The following OSBPL3 variants were observed in gnomAD, a reference collection of about 807,000 sequenced individuals.
OSBPL3 encodes the protein oxysterol-binding protein-related protein 3.
OSBPL3 carries 65 observed loss-of-function variants against 120.1 expected under a neutral mutation model. The observed-to-expected ratio is 0.54, with a 90% CI of 0.44 to 0.67. The LOEUF is 0.67. Ranked by LOEUF, OSBPL3 falls within the 30% of genes least tolerant of loss-of-function variation. The pLI is 0.00. For synonymous variants in OSBPL3, 416 were observed against 402.6 expected, an observed-to-expected ratio of 1.03 and a Z score of -0.40; for missense variants, 1,004 against 1,082.1, an observed-to-expected ratio of 0.93 and a Z score of 1.01.
intron 6 of OSBPL3, among the ~76,000 whole-genome samples, chr7:24,865,671 G>A (rs761108753): frequency 2.0e-5 from 3 of 152,104 alleles, no homozygotes; most frequent in Admixed American, 1.3e-4. Context: ...CTTGAATGGT[G>A]GACCTAATTT....
intron 1 of OSBPL3, among the ~76,000 whole-genome samples, chr7:24,971,119 C>A (rs1178285893): frequency 6.6e-6 from 1 of 152,246 alleles, no homozygotes; most frequent in Admixed American, 6.5e-5. Context: ...ACCACAGGAA[C>A]TACATCCATC....
chr7:24,857,214 G>T (rs1799944464), intron 10 of OSBPL3, among the ~76,000 whole-genome samples: 1 of 152,190 alleles, frequency 6.6e-6, no homozygotes, highest in Non-Finnish European at 1.5e-5. Context: ...TTTTGACTTT[G>T]TTCTATGTAG....
rs1799596163 is a variant in OSBPL3, at chr7:24,854,537, C to A, written c.1028-1903G>T. On this transcript the variant is annotated intron_variant, in intron 10 of 22. Transcript: ENST00000313367. The surrounding 1 kb of genome is among the most constrained non-coding windows in gnomAD (Gnocchi z 4.1). The stretch of plus-strand genomic sequence containing the variant: ...ACACACACACACACACACACACACA[C>A]AAACACACACAATGGTGCTGCCTCT... Among the ~76,000 whole-genome samples, 1 of 148,018 alleles carries A rather than the reference C, an allele frequency of 6.8e-6. No homozygotes were observed. Among genetic ancestry groups the A allele is most frequent in the African/African-American group, 2.5e-5 (1 of 39,770 alleles).
chr7:24,840,790 G>C lies in OSBPL3; in HGVS notation c.1402-7C>G, dbSNP rs766277355. The C allele has an allele frequency of 1.9e-5, 24 of 1,249,550 alleles. No homozygotes were observed. Among genetic ancestry groups the C allele is most frequent in the Middle Eastern group, 1.9e-4 (1 of 5,328 alleles). The allele number at this position is 1,249,550 out of a possible 1,614,324, so 77.4% of individuals were successfully genotyped here. Reference sequence around the variant, plus strand: ...ATGAGTCATCATCAGAAATCTATGGGAAAGAAGAAATAACATTCATTAGAG... The same window carrying C: ...ATGAGTCATCATCAGAAATCTATGGCAAAGAAGAAATAACATTCATTAGAG... On this transcript the variant is annotated splice_region_variant and splice_polypyrimidine_tract_variant and intron_variant, in intron 13 of 22. Transcript: ENST00000313367.
In OSBPL3 at chr7:24,865,653, C is replaced by T. The variant is rs144325323; in HGVS notation, c.550-188G>A. Among the ~76,000 whole-genome samples, 394 of 152,298 alleles carry T rather than the reference C, an allele frequency of 2.6e-3. 11 individuals are homozygous for T. Among genetic ancestry groups the T allele is most frequent in the Admixed American group, 0.02 (311 of 15,292 alleles). ...GGCTTGGCCATACCGTGCTATGATA[C>T]GACATGCCTTGAATGGTGGACCTAA... On this transcript the variant is annotated intron_variant, in intron 6 of 22. Coordinates refer to ENST00000313367, the MANE Select transcript of OSBPL3 (RefSeq NM_015550.4).
Position 24,870,731 on chromosome 7 carries a change from C to T in OSBPL3, c.381+1G>A, listed in dbSNP as rs1444552896. ...CTCTGCACAGTGGGAAGCAGCCTCA[C>T]CTTCAGATGGTAGATGTGCTCCTCG... On this transcript the variant is annotated splice_donor_variant, in intron 5 of 22. Coordinates refer to ENST00000313367, the MANE Select transcript of OSBPL3 (RefSeq NM_015550.4). LOFTEE classifies it high-confidence loss of function. The T allele has an allele frequency of 6.3e-7, 1 of 1,576,902 alleles. No individual in the cohort carries two copies. Among genetic ancestry groups the T allele is most frequent in the South Asian group, 1.1e-5 (1 of 90,412 alleles).
rs1050126141 is a variant in OSBPL3 at position 24,930,121 on chromosome 7, T to G, written c.-149-37500A>C. On this transcript the variant is annotated intron_variant, in intron 1 of 22. Transcript: ENST00000313367. The surrounding 1 kb of genome is among the most constrained non-coding windows in gnomAD (Gnocchi z 4.4). ...TAGAAGAAAGGGTAACTAATGATTTTTTAAGAGGTTAACCTGGAAAGGTTA... is the reference window on the plus strand; with the variant it reads ...TAGAAGAAAGGGTAACTAATGATTTGTTAAGAGGTTAACCTGGAAAGGTTA... Among the ~76,000 whole-genome samples the G allele has an allele frequency of 6.6e-6, 1 of 152,220 alleles. No homozygotes were observed.
At position 24,972,126 on chromosome 7, in the gene OSBPL3, G is replaced by A. The variant is rs1358458109; in HGVS notation, c.-150+7760C>T. ...AGGACAGGTTGCTAGATATCATTGCGTTTCTGCTATAAAGGTGTTAAAAAC... is the reference window on the plus strand; with the variant it reads ...AGGACAGGTTGCTAGATATCATTGCATTTCTGCTATAAAGGTGTTAAAAAC... On this transcript the variant is annotated intron_variant, in intron 1 of 22. Transcript: ENST00000313367. The surrounding 1 kb of genome is among the most constrained non-coding windows in gnomAD (Gnocchi z 4.3). Among the ~76,000 whole-genome samples, 2 of 152,162 alleles carry A rather than the reference G, an allele frequency of 1.3e-5. No homozygotes were observed. The highest frequency in any genetic ancestry group is 2.9e-5 in the Non-Finnish European group (2 of 68,030).
At chr7:24,980,945 G>T (rs73691293), upstream of OSBPL3, among the ~76,000 whole-genome samples, 280 of 152,186 alleles carry the variant, frequency 1.8e-3, 1 homozygote, top group African/African-American at 6.4e-3. Flanking sequence ...ACGAATGCAA[G>T]CAGCTGATGG....
At chr7:24,878,157 C>T (rs975506528) in intron 2 of OSBPL3, among the ~76,000 whole-genome samples, 2 of 152,332 alleles carry the variant, frequency 1.3e-5, no homozygotes, top group Middle Eastern at 3.4e-3. Context: ...TTCCATATTG[C>T]TGAGTGCACG....
At chr7:24,884,380 G>A (rs764459060) in intron 2 of OSBPL3, among the ~76,000 whole-genome samples, 32 of 152,104 alleles carry the variant, frequency 2.1e-4, no homozygotes, top group East Asian at 3.9e-4. Context: ...CCACAGTGGG[G>A]GAAACATTAC....
intron 10 of OSBPL3, among the ~76,000 whole-genome samples, chr7:24,857,750 C>T (rs1329133705): frequency 6.6e-6 from 1 of 152,076 alleles, no homozygotes; most frequent in Non-Finnish European, 1.5e-5. Flanking sequence ...GGGAAGATTC[C>T]CAAATAATAT....
At chr7:24,884,537 C>T (rs1232517571) in intron 2 of OSBPL3, among the ~76,000 whole-genome samples, 1 of 152,128 alleles carries the variant, frequency 6.6e-6, no homozygotes, top group African/African-American at 2.4e-5. Flanking sequence ...GCTGCCTGCC[C>T]CTGCACTGTG....
In OSBPL3 at chr7:24,854,502, G is replaced by GCGCACACA. The variant is rs1554367185; in HGVS notation, c.1028-1869_1028-1868insTGTGTGCG. 1.7e-4 allele frequency among the ~76,000 whole-genome samples: 23 copies of GCGCACACA among 131,588 alleles called. No homozygotes were observed. Among genetic ancestry groups the GCGCACACA allele is most frequent in the African/African-American group, 6.1e-4 (22 of 35,936 alleles). 86.3% of individuals were successfully genotyped at this position (131,588 alleles called of 152,430 possible). A position where few individuals can be genotyped will look rare whatever the true frequency, so the allele number is the denominator to read the frequency against. ...CACAACAATTTGTACACACACACAC[G>GCGCACACA]CACACACACACACACACACACACAC... On this transcript the variant is annotated intron_variant, in intron 10 of 22. Coordinates refer to ENST00000313367, the MANE Select transcript of OSBPL3 (RefSeq NM_015550.4). The surrounding 1 kb of genome is among the most constrained non-coding windows in gnomAD (Gnocchi z 4.1).
intron 1 of OSBPL3, among the ~76,000 whole-genome samples, chr7:24,941,579 T>C (rs1042298809): frequency 1.5e-4 from 23 of 152,296 alleles, no homozygotes; most frequent in Non-Finnish European, 2.8e-4. Flanking sequence ...CAGTGACTCC[T>C]CTTCACCCAG....
rs768599531 is a variant in OSBPL3, at chr7:24,851,964, G to T, written c.1158+540C>A. On this transcript the variant is annotated intron_variant, in intron 11 of 22. Transcript: ENST00000313367. This position sits in a 1 kb window ranked among gnomAD's most constrained non-coding sequence, Gnocchi z 4.1. Reference sequence around the variant, plus strand: ...ACTCATCTCTTTGTAGCCACAGTAGGGGGGCAGGGCAGGGAAGCTAAATGT... The same window carrying T: ...ACTCATCTCTTTGTAGCCACAGTAGTGGGGCAGGGCAGGGAAGCTAAATGT... Among the ~76,000 whole-genome samples, 2 of 152,172 alleles carry T rather than the reference G, an allele frequency of 1.3e-5. No homozygotes were observed. The highest frequency in any genetic ancestry group is 2.4e-5 in the African/African-American group (1 of 41,432).
At position 24,863,827 on chromosome 7, in the gene OSBPL3, C is replaced by T. The variant is rs906955098; in HGVS notation, c.674-228G>A. Among the ~76,000 whole-genome samples the T allele has an allele frequency of 1.3e-5, 2 of 152,136 alleles. No individual in the cohort carries two copies. Among genetic ancestry groups the T allele is most frequent in the Non-Finnish European group, 2.9e-5 (2 of 68,020 alleles). On this transcript the variant is annotated intron_variant, in intron 7 of 22. Transcript: ENST00000313367. This position sits in a 1 kb window ranked among gnomAD's most constrained non-coding sequence, Gnocchi z 5.8. Reference sequence around the variant, plus strand: ...CTTCAGTTTGAATCCACTTAATGAACTGTAACTATTGAGAAAATTGCAAAA... The same window carrying T: ...CTTCAGTTTGAATCCACTTAATGAATTGTAACTATTGAGAAAATTGCAAAA...
At position 24,849,342 on chromosome 7, in the gene OSBPL3, A is replaced by G. The variant is rs1438865112; in HGVS notation, c.1159-166T>C. On this transcript the variant is annotated intron_variant, in intron 11 of 22. Transcript: ENST00000313367. This position sits in a 1 kb window ranked among gnomAD's most constrained non-coding sequence, Gnocchi z 5.4. ...TTCCTTGAATGCTCTCCAAGAGGAT[A>G]CTGGTTCTGAGATGCCTGGGAGATG... The G allele has an allele frequency of 1.2e-5, 6 of 487,940 alleles. No homozygotes were observed. In the East Asian group the frequency reaches 2.2e-4, roughly 18 times the overall value. The allele number at this position is 487,940 out of a possible 1,614,324, so 30.2% of individuals were successfully genotyped here. A position where few individuals can be genotyped will look rare whatever the true frequency, so the allele number is the denominator to read the frequency against.
At chr7:24,811,699 T>C (rs1793818168) in intron 19 of OSBPL3, among the ~76,000 whole-genome samples, 1 of 152,240 alleles carries the variant, frequency 6.6e-6, no homozygotes, top group South Asian at 2.1e-4. Flanking sequence ...AAAGTTCTAA[T>C]TTCATTCTTC....
Sources: allele counts gnomAD v4.1 joint callset (sites outside exome capture counted in the v4.1 genomes callset), GRCh38; gene constraint gnomAD v4.1.1; non-coding constraint Gnocchi (gnomAD v3.1); transcripts MANE v1.5; gene names NCBI Gene and HGNC (gene_info 2026-07-23, HGNC 2026-07-21).